Variants in FHDC1 observed in about 807,000 individuals in gnomAD.
The protein encoded by FHDC1 is FH2 domain-containing protein 1.
A neutral mutation model predicts 52.6 loss-of-function variants in FHDC1; 25 were observed. The ratio of observed to expected loss-of-function variants is 0.48; its 90% CI spans 0.35 to 0.66. The LOEUF is 0.66. FHDC1 is among the 30% of genes least tolerant of loss of function. The pLI, the probability that FHDC1 is intolerant of heterozygous loss-of-function variation, is 0.01. For missense variants in FHDC1, 1,459 were observed against 1,452.8 expected, an observed-to-expected ratio of 1.00 and a Z score of -0.07; for synonymous variants, 616 against 581.5, an observed-to-expected ratio of 1.06 and a Z score of -0.85.
chr4:152,929,648 G>A, the FHDC1 span, among the ~76,000 whole-genome samples: 61 of 152,224 alleles, frequency 4.0e-4, no homozygotes, highest in Admixed American at 3.6e-3. This position sits in a 1 kb window ranked among gnomAD's most constrained non-coding sequence, Gnocchi z 4.1. Flanking sequence ...ATGAGTTCCC[G>A]TGCAGTGGAG....
upstream of FHDC1, among the ~76,000 whole-genome samples, chr4:152,934,083 G>T (rs1374743034): frequency 6.6e-6 from 1 of 152,166 alleles, no homozygotes; most frequent in East Asian, 1.9e-4. Flanking sequence ...TAGGATCATG[G>T]TGAGAATTAA....
At chr4:152,959,033 C>T (rs1035411564) in intron 4 of FHDC1, among the ~76,000 whole-genome samples, 4 of 152,126 alleles carry the variant, frequency 2.6e-5, no homozygotes, top group African/African-American at 7.2e-5. Flanking sequence ...ATACTCCTTT[C>T]TTTATATTTT....
upstream of FHDC1, among the ~76,000 whole-genome samples, chr4:152,936,155 G>T (rs1328166127): frequency 2.0e-5 from 3 of 152,096 alleles, no homozygotes; most frequent in Non-Finnish European, 4.4e-5. Flanking sequence ...TGGCGGTGAC[G>T]GTGGCGCGCG....
At chr4:152,917,882 CT>C in the FHDC1 span, among the ~76,000 whole-genome samples, 1 of 151,930 alleles carries the variant, frequency 6.6e-6, no homozygotes, top group African/African-American at 2.4e-5. Context: ...CTCTGTGAAG[CT>C]TAGTTAATAT....
At chr4:152,920,495 G>A in the FHDC1 span, among the ~76,000 whole-genome samples, 1 of 152,162 alleles carries the variant, frequency 6.6e-6, no homozygotes, top group African/African-American at 2.4e-5. Flanking sequence ...CATAGGAAGT[G>A]TTTCCTGAGT....
chr4:152,974,489 CACACACACATGCGT>C (rs1243491308), intron 11 of FHDC1, among the ~76,000 whole-genome samples, 172 bp from the exon 12 acceptor site: 24 of 152,168 alleles, frequency 1.6e-4, no homozygotes, highest in Non-Finnish European at 3.2e-4. Flanking sequence ...TCCCTCTACA[CACACACACATGCGT>C]ACACACACAC....
Position 152,943,087 on chromosome 4 carries a change from C to T in FHDC1, c.30C>T (p.Val10=). 2 of 1,613,492 alleles carry T rather than the reference C, an allele frequency of 1.2e-6. No homozygotes were observed. The highest frequency in any genetic ancestry group is 1.7e-6 in the Non-Finnish European group (2 of 1,179,642). Residue 10 remains valine (V), a synonymous_variant, in exon 2 of 12, where the codon GTC becomes GTT. Coordinates refer to ENST00000511601, the MANE Select transcript of FHDC1 (RefSeq NM_001371116.1). The part of the protein sequence containing the change: MHVMNCVSL[V]SDKENGNIAT... ...ATGTTATGAATTGTGTCTCCTTGGT[C>T]AGTGATAAAGAAAATGGGAATATTG...
In FHDC1 at chr4:152,976,886, C is replaced by A; in HGVS notation, c.*163C>A. 1 of 859,042 alleles carries A rather than the reference C, an allele frequency of 1.2e-6. No homozygotes were observed. The highest frequency in any genetic ancestry group is 1.7e-6 in the Non-Finnish European group (1 of 596,696). 53.2% of individuals were successfully genotyped at this position (859,042 alleles called of 1,614,324 possible). A position where few individuals can be genotyped will look rare whatever the true frequency, so the allele number is the denominator to read the frequency against. On this transcript the variant is annotated 3_prime_UTR_variant, in exon 12 of 12. Coordinates refer to ENST00000511601, the MANE Select transcript of FHDC1 (RefSeq NM_001371116.1). ...TGGCACAGTCCAGGAGGCCTGTGGA[C>A]TGCAGCCTGCTGTGCTGAGCCCTGC...
At chr4:152,912,206 G>C in the FHDC1 span, 1 of 151,902 alleles carries the variant, frequency 6.6e-6, no homozygotes, top group African/African-American at 2.4e-5. Context: ...ATGACCAAAA[G>C]AAAAAAGTAA....
chr4:152,966,619 C>T (rs1740464667), intron 9 of FHDC1, among the ~76,000 whole-genome samples: 1 of 152,072 alleles, frequency 6.6e-6, no homozygotes. Flanking sequence ...GCCACCATGC[C>T]CAGTTAATTT....
chr4:152,960,741 C>T lies in FHDC1; in HGVS notation c.750-3C>T. 1.9e-6 allele frequency: 3 copies of T among 1,611,830 alleles called. No homozygotes were observed. The highest frequency in any genetic ancestry group is 2.5e-6 in the Non-Finnish European group (3 of 1,179,280). On this transcript the variant is annotated splice_region_variant and splice_polypyrimidine_tract_variant and intron_variant, in intron 5 of 11. Coordinates refer to ENST00000511601, the MANE Select transcript of FHDC1 (RefSeq NM_001371116.1). ...TCTACAGTTTTACTTTTTTATTTTT[C>T]AGCTATTCACTTCGGATTGAAGCCA... is the stretch of plus-strand genomic sequence containing the variant.
At chr4:152,928,411 T>A in the FHDC1 span, among the ~76,000 whole-genome samples, 2 of 152,206 alleles carry the variant, frequency 1.3e-5, no homozygotes, top group Non-Finnish European at 2.9e-5. Flanking sequence ...TCTACTCCAG[T>A]GCAGATGACC....
chr4:152,913,723 G>A, the FHDC1 span, among the ~76,000 whole-genome samples: 1 of 151,992 alleles, frequency 6.6e-6, no homozygotes, highest in Non-Finnish European at 1.5e-5. Context: ...TCGTTGCCCA[G>A]GCTGCGGTGC....
chr4:152,941,798 A>G (rs1176406656), intron 1 of FHDC1, among the ~76,000 whole-genome samples: 5 of 152,214 alleles, frequency 3.3e-5, no homozygotes, highest in African/African-American at 1.2e-4. Flanking sequence ...TGCTGTAAAA[A>G]GAAAATTACA....
rs1740828711 is a variant in FHDC1 at position 152,975,442 on chromosome 4, C to T, written c.2151C>T (p.Leu717=). ...TGGGGCATAGGGGCCCGCAGTCCCT[C>T]AGTGCCAGCAGCAGCAGCCTGACAC... ...ESVGHRGPQS[L]SASSSSLTPM... Residue 717 remains leucine, a synonymous_variant, in exon 12 of 12, where the codon CTC becomes CTT. Coordinates refer to ENST00000511601, the MANE Select transcript of FHDC1 (RefSeq NM_001371116.1). 9 of 1,613,442 alleles carry T rather than the reference C, an allele frequency of 5.6e-6. No homozygotes were observed. The highest frequency in any genetic ancestry group is 1.1e-5 in the South Asian group (1 of 91,084).
At chr4:152,930,331 T>C in the FHDC1 span, among the ~76,000 whole-genome samples, 1 of 152,364 alleles carries the variant, frequency 6.6e-6, no homozygotes, top group East Asian at 1.9e-4. Context: ...TCTTCTTTTT[T>C]ACTATCTCAT....
intron 4 of FHDC1, among the ~76,000 whole-genome samples, chr4:152,957,924 C>T (rs919451427): frequency 2.6e-5 from 4 of 152,178 alleles, no homozygotes; most frequent in South Asian, 2.1e-4. Context: ...GGGAACACCC[C>T]CACCACGCCT....
At chr4:152,963,783 T>TGTTTG (rs1561211244) in intron 8 of FHDC1, among the ~76,000 whole-genome samples, 2 of 124,822 alleles carry the variant, frequency 1.6e-5, no homozygotes, top group African/African-American at 7.5e-5. Context: ...TTTTTTTTTT[T>TGTTTG]TTTTTTTTTT....
intron 2 of FHDC1, among the ~76,000 whole-genome samples, chr4:152,952,499 A>T (rs1456094579): frequency 6.6e-6 from 1 of 152,214 alleles, no homozygotes; most frequent in African/African-American, 2.4e-5. Flanking sequence ...CATGAATCAA[A>T]AATATTCAGA....
Sources: gnomAD v4.1 joint callset for allele counts (sites outside exome capture counted in the v4.1 genomes callset) on GRCh38, gnomAD v4.1.1 for gene constraint, Gnocchi (gnomAD v3.1) non-coding constraint, MANE v1.5 for transcripts, NCBI Gene and HGNC (gene_info 2026-07-23, HGNC 2026-07-21) for gene names.